Variants in CALCR observed in about 807,000 individuals in gnomAD.
CALCR encodes calcitonin receptor.
CALCR carries 47 observed loss-of-function variants against 59.5 expected under a neutral mutation model. The ratio of observed to expected loss-of-function variants is 0.79; its 90% CI spans 0.63 to 1.01. The LOEUF is 1.01. Among genes scored for constraint, CALCR ranks in the 50% least tolerant of loss-of-function variants. The probability of loss-of-function intolerance (pLI) is 0.00; values close to 1 mark genes in which losing one functional copy is unlikely to be tolerated. For missense variants in CALCR, 566 were observed against 597.1 expected (o/e 0.95, Z 0.54); for synonymous variants, 213 against 211.3 (o/e 1.01, Z -0.07).
chr7:93,460,132 C>G (rs1800285176), intron 8 of CALCR, among the ~76,000 whole-genome samples: 1 of 152,122 alleles, frequency 6.6e-6, no homozygotes. Flanking sequence ...CTAGGCACAC[C>G]TGTAACCATT....
At chr7:93,451,223 TCATC>T (rs757130910) in intron 8 of CALCR, among the ~76,000 whole-genome samples, 1 of 152,002 alleles carries the variant, frequency 6.6e-6, no homozygotes, top group Non-Finnish European at 1.5e-5. Context: ...TGCATGCAAA[TCATC>T]CAGAACTTTT....
intron 2 of CALCR, among the ~76,000 whole-genome samples, chr7:93,567,803 C>T (rs1789900792): frequency 1.3e-5 from 2 of 151,762 alleles, no homozygotes; most frequent in South Asian, 2.1e-4. Flanking sequence ...ATGCCACTGT[C>T]CTTGTGATAG....
intron 2 of CALCR, among the ~76,000 whole-genome samples, chr7:93,549,662 A>G (rs1362494427): frequency 6.6e-6 from 1 of 152,344 alleles, no homozygotes; most frequent in East Asian, 1.9e-4. Context: ...ATTCATTCAG[A>G]CAATCTGACC....
chr7:93,473,833 A>G (rs924697772), intron 5 of CALCR, among the ~76,000 whole-genome samples: 22 of 151,594 alleles, frequency 1.5e-4, no homozygotes, highest in African/African-American at 4.8e-4. Context: ...TATTTTTTCA[A>G]TTATTTTTGT....
At chr7:93,562,716 A>G (rs944561230) in intron 2 of CALCR, among the ~76,000 whole-genome samples, 1 of 152,200 alleles carries the variant, frequency 6.6e-6, no homozygotes, top group African/African-American at 2.4e-5. Flanking sequence ...GTGATGGAGT[A>G]AAACAAATAG....
chr7:93,500,320 A>C (rs2115997643), intron 2 of CALCR, among the ~76,000 whole-genome samples: 1 of 152,012 alleles, frequency 6.6e-6, no homozygotes, highest in East Asian at 1.9e-4. Flanking sequence ...GTCACCTTTA[A>C]CATTCTGTTT....
rs1801196886 is a variant in CALCR at position 93,496,119 on chromosome 7, A to C, written c.-26-9112T>G. ...AAGAGTACAAAATGTCAATGTCTGAAAATAATGTGTCTATTCTTATAGATT... is the reference window on the plus strand; with the variant it reads ...AAGAGTACAAAATGTCAATGTCTGACAATAATGTGTCTATTCTTATAGATT... On this transcript the variant is annotated intron_variant, in intron 2 of 13. Coordinates refer to ENST00000426151, the MANE Select transcript of CALCR (RefSeq NM_001742.4). The C allele has an allele frequency of 2.0e-5, 11 of 549,144 alleles. No homozygotes were observed. In the South Asian group the frequency reaches 2.7e-4, roughly 14 times the overall value. The allele number at this position is 549,144 out of a possible 1,614,324, so 34.0% of individuals were successfully genotyped here. A position where few individuals can be genotyped will look rare whatever the true frequency, so the allele number is the denominator to read the frequency against.
chr7:93,450,327 A>G lies in CALCR; in HGVS notation c.649-6570T>C, dbSNP rs189688231. On this transcript the variant is annotated intron_variant, in intron 8 of 13. Transcript: ENST00000426151. ...GTATTCTAGCTTGTTGGAATGCTCTATGAAGGGTATGGCTGTTAGATCATC... is the reference window on the plus strand; with the variant it reads ...GTATTCTAGCTTGTTGGAATGCTCTGTGAAGGGTATGGCTGTTAGATCATC... Among the ~76,000 whole-genome samples the G allele has an allele frequency of 2.0e-5, 3 of 151,990 alleles. No homozygotes were observed. The South Asian group carries it at 6.2e-4, about 31-fold the overall frequency.
At chr7:93,462,218 T>C in intron 7 of CALCR, 2 of 573,744 alleles carry the variant, frequency 3.5e-6, no homozygotes, top group Non-Finnish European at 6.0e-6. Context: ...AACTCATTAA[T>C]AAATAATATT....
intron 3 of CALCR, chr7:93,484,094 T>C: frequency 4.5e-6 from 2 of 442,790 alleles, no homozygotes; most frequent in South Asian, 1.6e-5. Context: ...CTCTCACATG[T>C]CAGGCACTCT....
At position 93,429,951 on chromosome 7, in the gene CALCR, T is replaced by TC. The variant is rs1562924089; in HGVS notation, c.1192-3363_1192-3362insG. On this transcript the variant is annotated intron_variant, in intron 13 of 13. Coordinates refer to ENST00000426151, the MANE Select transcript of CALCR (RefSeq NM_001742.4). Reference sequence around the variant, plus strand: ...GTTTGTTTGTTTTTTTGTTTTTTTTTGAGACAGAGTCTTGCTGTCTCCCAG... The same window carrying TC: ...GTTTGTTTGTTTTTTTGTTTTTTTTTCGAGACAGAGTCTTGCTGTCTCCCAG... Among the ~76,000 whole-genome samples the TC allele has an allele frequency of 2.0e-5, 3 of 148,284 alleles. No homozygotes were observed. In the Admixed American group the frequency reaches 2.0e-4, roughly 10 times the overall value.
intron 2 of CALCR, among the ~76,000 whole-genome samples, chr7:93,524,955 T>A (rs1397938833): frequency 1.3e-5 from 2 of 152,286 alleles, no homozygotes; most frequent in South Asian, 2.1e-4. Context: ...ATATACATAT[T>A]TACCTTATTG....
chr7:93,545,865 G>A (rs533093229), intron 2 of CALCR, among the ~76,000 whole-genome samples: 95 of 152,090 alleles, frequency 6.2e-4, no homozygotes, highest in Middle Eastern at 3.4e-3. Flanking sequence ...GTTTCTGTTG[G>A]ACAAAGTGAG....
chr7:93,534,573 C>A (rs547952111), intron 2 of CALCR, among the ~76,000 whole-genome samples: 1 of 151,762 alleles, frequency 6.6e-6, no homozygotes, highest in African/African-American at 2.4e-5. Flanking sequence ...TCCACTTTTA[C>A]TAATTACAAT....
chr7:93,479,611 A>C (rs1800749500), intron 3 of CALCR, 104 bp from the exon 4 acceptor site: 1 of 1,034,510 alleles, frequency 9.7e-7, no homozygotes, highest in Non-Finnish European at 1.4e-6. Flanking sequence ...TTGCTCTCTA[A>C]GCAATACTTA....
At chr7:93,496,895 C>A (rs1054564287) in intron 2 of CALCR, among the ~76,000 whole-genome samples, 1 of 151,652 alleles carries the variant, frequency 6.6e-6, no homozygotes, top group South Asian at 2.1e-4. Context: ...GCTGCCACAG[C>A]AAAGCCTTCT....
intron 2 of CALCR, among the ~76,000 whole-genome samples, chr7:93,524,455 A>G (rs939285208): frequency 6.6e-6 from 1 of 151,942 alleles, no homozygotes; most frequent in African/African-American, 2.4e-5. Context: ...CAGGCGTGAA[A>G]CACCGTGCCC....
chr7:93,478,116 C>G (rs1236519022), intron 4 of CALCR, among the ~76,000 whole-genome samples: 1 of 151,668 alleles, frequency 6.6e-6, no homozygotes, highest in Non-Finnish European at 1.5e-5. Context: ...TCAGAAAACC[C>G]CAAAAATATC....
intron 3 of CALCR, among the ~76,000 whole-genome samples, chr7:93,484,644 G>C (rs1275835448): frequency 6.6e-6 from 1 of 151,754 alleles, no homozygotes; most frequent in Non-Finnish European, 1.5e-5. Context: ...TGCCTGGCTG[G>C]TGTACTGTGT....
Sources: gnomAD v4.1 joint callset for allele counts (sites outside exome capture counted in the v4.1 genomes callset) on GRCh38, gnomAD v4.1.1 for gene constraint, MANE v1.5 for transcripts, NCBI Gene and HGNC (gene_info 2026-07-23, HGNC 2026-07-21) for gene names.